The following GRK5 variants were observed in gnomAD, a reference collection of about 807,000 sequenced individuals.
GRK5 encodes the protein g protein-coupled receptor kinase GRK5.
GRK5 carries 40 observed loss-of-function variants against 78.4 expected under a neutral mutation model. That is an observed-to-expected ratio of 0.51 (90% CI 0.40 to 0.66). The LOEUF is 0.66. GRK5 is among the 30% of genes least tolerant of loss of function. GRK5 has a pLI of 0.00. For synonymous variants in GRK5, 289 were observed against 296.8 expected (o/e 0.97, Z 0.27); for missense variants, 598 against 759.9 (o/e 0.79, Z 2.50).
At chr10:119,439,851 G>C in intron 10 of GRK5, 83 bp downstream of exon 10, 1 of 1,372,234 alleles carries the variant, frequency 7.3e-7, no homozygotes. Flanking sequence ...CTCAGAGAGG[G>C]CTGGGGAAGC....
intron 1 of GRK5, among the ~76,000 whole-genome samples, chr10:119,285,837 T>A (rs1289757730): frequency 6.6e-6 from 1 of 152,036 alleles, no homozygotes; most frequent in African/African-American, 2.4e-5. Flanking sequence ...TAGGGAGGGA[T>A]GAAGGACCCC....
chr10:119,322,820 T>A (rs932621280), intron 1 of GRK5, among the ~76,000 whole-genome samples: 1 of 152,120 alleles, frequency 6.6e-6, no homozygotes, highest in East Asian at 1.9e-4. Context: ...CCCAAAAGAA[T>A]GGAAAGCAGG....
intron 1 of GRK5, among the ~76,000 whole-genome samples, chr10:119,261,782 G>A (rs886649999): frequency 2.0e-5 from 3 of 152,256 alleles, no homozygotes; most frequent in African/African-American, 7.2e-5. Flanking sequence ...GCCTGCAATT[G>A]CAGGCACTCC....
At position 119,326,520 on chromosome 10, in the gene GRK5, C is replaced by T. The variant is rs1263867034; in HGVS notation, c.57C>T (p.Gly19=). The change falls in exon 2 of 16, where the codon GGC becomes GGT. Residue 19 remains glycine, a synonymous_variant. Transcript: ENST00000392870. The stretch of plus-strand genomic sequence containing the variant: ...TCTTTTTCCCCATCTCTGCAGGGGG[C>T]GGAGGAAAGCGCAAAGGGAAAAGCA... The part of the protein sequence containing the change: ...NTVLLKAREG[G]GGKRKGKSKK... The T allele has an allele frequency of 1.7e-5, 27 of 1,613,564 alleles. No individual in the cohort carries two copies. Among genetic ancestry groups the T allele is most frequent in the East Asian group, 1.6e-4 (7 of 44,880 alleles).
chr10:119,406,572 TC>T, intron 4 of GRK5: 2 of 675,276 alleles, frequency 3.0e-6, no homozygotes, highest in Non-Finnish European at 3.7e-6. Context: ...GGCCCTCATT[TC>T]CCAGTCCCCG....
intron 1 of GRK5, among the ~76,000 whole-genome samples, chr10:119,297,447 C>T (rs1850103106): frequency 6.6e-6 from 1 of 152,224 alleles, no homozygotes; most frequent in South Asian, 2.1e-4. Flanking sequence ...TCCCATCCTC[C>T]ACCAGGCTGC....
intron 4 of GRK5, among the ~76,000 whole-genome samples, chr10:119,416,649 G>A (rs1852460454): frequency 6.6e-6 from 1 of 151,986 alleles, no homozygotes; most frequent in Admixed American, 6.5e-5. Flanking sequence ...GGAGTGCAGT[G>A]GCTCAGTGAT....
At chr10:119,224,665 T>TG (rs1848707244) in intron 1 of GRK5, among the ~76,000 whole-genome samples, 1 of 152,146 alleles carries the variant, frequency 6.6e-6, no homozygotes, top group South Asian at 2.1e-4. Flanking sequence ...CCAACTGCCT[T>TG]GGCCTTACAA....
intron 4 of GRK5, among the ~76,000 whole-genome samples, chr10:119,411,065 C>A (rs371825870): frequency 6.6e-6 from 1 of 151,974 alleles, no homozygotes; most frequent in African/African-American, 2.4e-5. Context: ...TGATGGACCC[C>A]AGCTGAAGAA....
At chr10:119,334,964 GAGC>G (rs1465514064) in intron 2 of GRK5, 1 of 152,134 alleles carries the variant, frequency 6.6e-6, no homozygotes, top group Non-Finnish European at 1.5e-5. Context: ...CTGTTTCCAG[GAGC>G]AGAAGTCCCA....
intron 4 of GRK5, among the ~76,000 whole-genome samples, chr10:119,405,455 T>A (rs914290041): frequency 1.3e-5 from 2 of 152,198 alleles, no homozygotes; most frequent in Non-Finnish European, 2.9e-5. Flanking sequence ...AAACGAAATC[T>A]ATTCGTAGTG....
At position 119,455,262 on chromosome 10, in the gene GRK5, C is replaced by A; in HGVS notation, c.*195C>A. 1 of 700,070 alleles carries A rather than the reference C, an allele frequency of 1.4e-6. No individual in the cohort carries two copies. The highest frequency in any genetic ancestry group is 2.6e-6 in the Non-Finnish European group (1 of 383,870). The allele number at this position is 700,070 out of a possible 1,614,324, so 43.4% of individuals were successfully genotyped here. The stretch of plus-strand genomic sequence containing the variant: ...TTCCACTCAGGTCTGTTTTCCGAGG[C>A]GGCCCCGGCCGGGGTGGATTGGATT... On this transcript the variant is annotated 3_prime_UTR_variant, in exon 16 of 16. Transcript: ENST00000392870.
chr10:119,392,791 ACT>A (rs1851906267), intron 3 of GRK5, among the ~76,000 whole-genome samples: 2 of 151,756 alleles, frequency 1.3e-5, no homozygotes, highest in South Asian at 4.2e-4. Context: ...GTTGGAAGGG[ACT>A]CTCTTGCAGA....
At chr10:119,372,063 C>A (rs1851556335) in intron 2 of GRK5, among the ~76,000 whole-genome samples, 1 of 152,232 alleles carries the variant, frequency 6.6e-6, no homozygotes, top group South Asian at 2.1e-4. Context: ...CTGGCCTCCA[C>A]CCACTAATCA....
At chr10:119,233,561 GTCCA>G (rs1848866264) in intron 1 of GRK5, among the ~76,000 whole-genome samples, 1 of 152,154 alleles carries the variant, frequency 6.6e-6, no homozygotes, top group African/African-American at 2.4e-5. Context: ...TCATTTTGGT[GTCCA>G]GCCATTCTGG....
intron 1 of GRK5, among the ~76,000 whole-genome samples, chr10:119,276,663 T>G (rs893002446): frequency 2.6e-5 from 4 of 152,202 alleles, no homozygotes; most frequent in Non-Finnish European, 5.9e-5. Context: ...CTAGATCCCT[T>G]AGGAATTGCC....
chr10:119,354,553 C>T (rs539895697), intron 2 of GRK5, among the ~76,000 whole-genome samples: 88 of 152,170 alleles, frequency 5.8e-4, no homozygotes, highest in Non-Finnish European at 1.0e-3. Context: ...AGGTGTACAC[C>T]GCCATGCCTG....
intron 1 of GRK5, among the ~76,000 whole-genome samples, chr10:119,213,477 C>CT (rs1848521953): frequency 6.6e-6 from 1 of 152,080 alleles, no homozygotes; most frequent in African/African-American, 2.4e-5. Context: ...CACCACCGTA[C>CT]TCCGGACTGG....
rs539081902 is a variant in GRK5 at position 119,420,664 on chromosome 10, G to A, written c.340-2502G>A. ...TGTGATCATGACTCACTGCAGCCTCGACCTCTTGGGTTCAAGGAATCCTCC... is the reference window on the plus strand; with the variant it reads ...TGTGATCATGACTCACTGCAGCCTCAACCTCTTGGGTTCAAGGAATCCTCC... On this transcript the variant is annotated intron_variant, in intron 4 of 15. Transcript: ENST00000392870. 4.7e-5 allele frequency among the ~76,000 whole-genome samples: 7 copies of A among 150,064 alleles called. No homozygotes were observed. The South Asian group carries it at 1.3e-3, about 27-fold the overall frequency.
Sources: allele counts gnomAD v4.1 joint callset (sites outside exome capture counted in the v4.1 genomes callset), GRCh38; gene constraint gnomAD v4.1.1; transcripts MANE v1.5; gene names NCBI Gene and HGNC (gene_info 2026-07-23, HGNC 2026-07-21).